The following MYO18B variants were observed in gnomAD, a reference collection of about 807,000 sequenced individuals.
MYO18B encodes unconventional myosin-XVIIIb.
Under a neutral mutation model 273.0 loss-of-function variants are expected in MYO18B, and 204 were observed. The observed-to-expected ratio is 0.75, with a 90% CI of 0.67 to 0.84. The LOEUF (loss-of-function observed/expected upper bound fraction) is 0.84, where lower values mean the gene tolerates loss of function less well. MYO18B is among the 40% of genes least tolerant of loss of function. The pLI is 0.00. For synonymous variants in MYO18B, 1,330 were observed against 1,305.7 expected, an observed-to-expected ratio of 1.02 and a Z score of -0.40; for missense variants, 3,212 against 3,287.6, an observed-to-expected ratio of 0.98 and a Z score of 0.56.
chr22:25,917,990 G>T (rs1027211694), intron 33 of MYO18B, among the ~76,000 whole-genome samples: 1 of 152,156 alleles, frequency 6.6e-6, no homozygotes, highest in Non-Finnish European at 1.5e-5. Context: ...AAAGCAACTT[G>T]CCCAGGATTG....
chr22:25,921,734 GTGTGTGTA>G (rs1320994429), intron 34 of MYO18B, among the ~76,000 whole-genome samples: 5 of 129,246 alleles, frequency 3.9e-5, no homozygotes, highest in African/African-American at 1.7e-4. Flanking sequence ...GTGTGTGTGT[GTGTGTGTA>G]TGTGTATGTG....
chr22:26,056,883 C>T, the MYO18B span, among the ~76,000 whole-genome samples: 4 of 152,142 alleles, frequency 2.6e-5, no homozygotes, highest in African/African-American at 9.7e-5. Flanking sequence ...ACATAATGAA[C>T]GTGCCTGCCT....
chr22:25,884,356 A>G (rs2091434433), intron 25 of MYO18B, among the ~76,000 whole-genome samples: 1 of 152,188 alleles, frequency 6.6e-6, no homozygotes, highest in South Asian at 2.1e-4. Context: ...TAGTCCTGCC[A>G]CAGCATCATG....
chr22:26,019,728 T>A (rs1935659490), intron 42 of MYO18B, among the ~76,000 whole-genome samples: 1 of 151,924 alleles, frequency 6.6e-6, no homozygotes, highest in South Asian at 2.1e-4. Context: ...TTTCAGGGAG[T>A]GGATGAAGAA....
intron 20 of MYO18B, among the ~76,000 whole-genome samples, chr22:25,848,794 C>A (rs1296890477): frequency 6.6e-6 from 1 of 152,126 alleles, no homozygotes; most frequent in African/African-American, 2.4e-5. Flanking sequence ...TCAGACAAGG[C>A]CATGCTCTCT....
At chr22:25,830,852 T>C (rs762393096) in intron 15 of MYO18B, among the ~76,000 whole-genome samples, 10 of 152,138 alleles carry the variant, frequency 6.6e-5, no homozygotes, top group Non-Finnish European at 1.0e-4. Context: ...AGAACCAGGG[T>C]TGTTTTAGAT....
Position 25,755,725 on chromosome 22 carries a change from C to G in MYO18B, c.-109-5259C>G, listed in dbSNP as rs112528469. 8.7e-3 allele frequency among the ~76,000 whole-genome samples: 1,322 copies of G among 152,198 alleles called. 16 individuals carry two copies. The highest frequency in any genetic ancestry group is 0.029 in the African/African-American group (1,209 of 41,532). On this transcript the variant is annotated intron_variant, in intron 1 of 43. Transcript: ENST00000335473. ...CACGGGACAGCTGCTTGTTCAAAACCAGTCTGGTACTTCCCTCCTCCCTCT... is the reference window on the plus strand; with the variant it reads ...CACGGGACAGCTGCTTGTTCAAAACGAGTCTGGTACTTCCCTCCTCCCTCT...
At chr22:25,822,819 C>T (rs984461415) in intron 12 of MYO18B, among the ~76,000 whole-genome samples, 6 of 152,328 alleles carry the variant, frequency 3.9e-5, no homozygotes, top group East Asian at 3.8e-4. Context: ...AGCTGGGAAA[C>T]GTGACTGGGG....
rs750092584 is a variant in MYO18B at position 25,895,230 on chromosome 22, G to A, written c.4618G>A (p.Glu1540Lys). ...CCTCAGAAAGCGTCTGCAGCAATGC[G>A]AGGAGAGGCTGGACTCGGAGCTGAC... The part of the protein sequence containing the change: ...EFLRKRLQQC[E>K]ERLDSELTAR... Residue 1540 changes from glutamate (E) to lysine (K), a missense_variant, in exon 28 of 44, where the codon GAG becomes AAG. Transcript: ENST00000335473. 7 of 1,609,032 alleles carry A rather than the reference G, an allele frequency of 4.4e-6. No individual in the cohort carries two copies. In the South Asian group the frequency reaches 4.5e-5, roughly 10 times the overall value.
intron 1 of MYO18B, among the ~76,000 whole-genome samples, chr22:25,750,627 C>A (rs1194385553): frequency 6.6e-6 from 1 of 152,158 alleles, no homozygotes; most frequent in Non-Finnish European, 1.5e-5. Flanking sequence ...TACATGCTTA[C>A]ACTCACCAAC....
At chr22:25,800,306 C>A (rs942226957) in intron 12 of MYO18B, among the ~76,000 whole-genome samples, 2 of 152,272 alleles carry the variant, frequency 1.3e-5, no homozygotes, top group South Asian at 4.2e-4. Flanking sequence ...CAAAAACCAC[C>A]TGTACCCCCA....
At chr22:25,858,074 C>T (rs695589) in intron 21 of MYO18B, among the ~76,000 whole-genome samples, 14,309 of 152,170 alleles carry the variant, frequency 0.094, 1,752 homozygotes, top group African/African-American at 0.28. Flanking sequence ...CCAGGCATTT[C>T]GTTTATAGGC....
intron 9 of MYO18B, among the ~76,000 whole-genome samples, 175 bp from the exon 10 acceptor site, chr22:25,781,559 G>A (rs912014048): frequency 6.8e-5 from 10 of 146,746 alleles, no homozygotes; most frequent in Non-Finnish European, 1.5e-4. Flanking sequence ...GCAGTGAGCC[G>A]AGATCACGCC....
At chr22:25,811,744 C>A (rs1433581437) in intron 12 of MYO18B, among the ~76,000 whole-genome samples, 1 of 152,186 alleles carries the variant, frequency 6.6e-6, no homozygotes, top group Non-Finnish European at 1.5e-5. Flanking sequence ...GTGTATATGA[C>A]AGTTCTGTTC....
the MYO18B span, among the ~76,000 whole-genome samples, chr22:26,060,989 C>CATTCA: frequency 1.7e-3 from 259 of 148,860 alleles, no homozygotes; most frequent in Middle Eastern, 3.6e-3. Context: ...TACACACATA[C>CATTCA]CACATATGCA....
At chr22:26,060,132 G>C in the MYO18B span, among the ~76,000 whole-genome samples, 1 of 152,210 alleles carries the variant, frequency 6.6e-6, no homozygotes, top group African/African-American at 2.4e-5. Flanking sequence ...CTCTAGGGCA[G>C]GGACCAGGGA....
chr22:25,787,556 A>G (rs2087455918), intron 11 of MYO18B, among the ~76,000 whole-genome samples: 1 of 152,102 alleles, frequency 6.6e-6, no homozygotes, highest in Non-Finnish European at 1.5e-5. Flanking sequence ...CAAATATTGT[A>G]TGGGCAAGCC....
rs374116001 is a variant in MYO18B, at chr22:25,890,855, C to T, written c.4414C>T (p.Arg1472Trp). 2.5e-5 allele frequency: 40 copies of T among 1,613,806 alleles called. No homozygotes were observed. Among genetic ancestry groups the T allele is most frequent in the Admixed American group, 6.7e-5 (4 of 60,016 alleles). The change falls in exon 26 of 44, where the codon CGG becomes TGG. Residue 1472 changes from arginine to tryptophan, a missense_variant. Physicochemically the swap from Arg to Trp is moderately radical, Grantham distance 101. Coordinates refer to ENST00000335473, the MANE Select transcript of MYO18B (RefSeq NM_032608.7). ...GCGGGCAGAGCGGCTACAGGCCTTC[C>T]GGGAGGTCCAGGAGCTCAAGGTGAG... ...SERAERLQAFREVQELKSKHE... is the reference protein window; with the variant it reads ...SERAERLQAFWEVQELKSKHE...
At chr22:25,887,639 C>T (rs949507150) in intron 25 of MYO18B, among the ~76,000 whole-genome samples, 1 of 152,140 alleles carries the variant, frequency 6.6e-6, no homozygotes, top group Non-Finnish European at 1.5e-5. Flanking sequence ...AATTTGCAAT[C>T]GCCTGACAGC....
Sources: allele counts gnomAD v4.1 joint callset (sites outside exome capture counted in the v4.1 genomes callset), GRCh38; gene constraint gnomAD v4.1.1; transcripts MANE v1.5; gene names NCBI Gene and HGNC (gene_info 2026-07-23, HGNC 2026-07-21).